Variants in ST3GAL3 observed in about 807,000 individuals in gnomAD.
ST3GAL3 encodes ST3 beta-galactoside alpha-2,3-sialyltransferase 3.
In ST3GAL3, 21 loss-of-function variants were observed where a neutral mutation model predicts 50.1. That is an observed-to-expected ratio of 0.42 (90% CI 0.30 to 0.60). The LOEUF is 0.60. ST3GAL3 is among the 20% of genes least tolerant of loss of function. ST3GAL3 has a pLI of 0.19. For missense variants in ST3GAL3, 353 were observed against 489.4 expected (o/e 0.72, Z 2.63); for synonymous variants, 183 against 190.0 (o/e 0.96, Z 0.30).
At chr1:43,869,982 A>G (rs1193087131) in intron 5 of ST3GAL3, among the ~76,000 whole-genome samples, 1 of 152,148 alleles carries the variant, frequency 6.6e-6, no homozygotes, top group Non-Finnish European at 1.5e-5. Flanking sequence ...ATGCTTCCCT[A>G]GAACTTGTTA....
intron 5 of ST3GAL3, among the ~76,000 whole-genome samples, chr1:43,870,265 A>T (rs906596179): frequency 6.6e-6 from 1 of 152,226 alleles, no homozygotes; most frequent in Non-Finnish European, 1.5e-5. Context: ...GGTGGTGATA[A>T]TTATTTCATA....
At position 43,719,849 on chromosome 1, in the gene ST3GAL3, C is replaced by T. The variant is rs149480842; in HGVS notation, c.-31+12156C>T. ...TCTGGAGGGTGAGGCAGGAGAATCA[C>T]TTGAAACTGAGAGGCGGAGGTTTCA... On this transcript the variant is annotated intron_variant, in intron 1 of 11. Transcript: ENST00000347631. Among the ~76,000 whole-genome samples, 115 of 136,962 alleles carry T rather than the reference C, an allele frequency of 8.4e-4. 1 individual carries two copies. The East Asian group carries it at 0.026, about 32-fold the overall frequency. The allele number at this position is 136,962 out of a possible 152,430, so 89.9% of individuals were successfully genotyped here.
At chr1:43,912,693 A>C (rs2081136851) in intron 9 of ST3GAL3, 1 of 152,176 alleles carries the variant, frequency 6.6e-6, no homozygotes, top group Non-Finnish European at 1.5e-5. Context: ...CAGACCTGTG[A>C]GCACACCAGG....
At chr1:43,825,626 G>C (rs1195316786) in intron 4 of ST3GAL3, among the ~76,000 whole-genome samples, 5 of 152,208 alleles carry the variant, frequency 3.3e-5, no homozygotes, top group Admixed American at 3.3e-4. Flanking sequence ...AAATTATGTG[G>C]GGTTTTAGAG....
Position 43,723,108 on chromosome 1 carries a change from C to T in ST3GAL3, c.-30-13125C>T, listed in dbSNP as rs1409427670. On this transcript the variant is annotated intron_variant, in intron 1 of 11. Transcript: ENST00000347631. ...GTAGCAACCCTCCCCTCTCTCTCTT[C>T]CCTCCTTTTTTTTTTTTTGAGATGG... 2.6e-5 allele frequency among the ~76,000 whole-genome samples: 4 copies of T among 151,550 alleles called. No individual in the cohort carries two copies. In the East Asian group the frequency reaches 7.8e-4, roughly 29 times the overall value.
chr1:43,911,830 A>C (rs1053879719), intron 9 of ST3GAL3: 1 of 151,840 alleles, frequency 6.6e-6, no homozygotes, highest in Non-Finnish European at 1.5e-5. Flanking sequence ...TGGGGGCTAC[A>C]GGTGCACCCC....
chr1:43,823,991 A>G (rs915139064), intron 4 of ST3GAL3, among the ~76,000 whole-genome samples: 1 of 152,144 alleles, frequency 6.6e-6, no homozygotes, highest in Non-Finnish European at 1.5e-5. Flanking sequence ...GTTTTATCCT[A>G]TGTTTTAACT....
chr1:43,855,055 A>C (rs193018830), intron 5 of ST3GAL3, among the ~76,000 whole-genome samples: 1 of 151,326 alleles, frequency 6.6e-6, no homozygotes, highest in East Asian at 1.9e-4. Flanking sequence ...TATTCTGTAA[A>C]CTCATTCAAC....
chr1:43,808,954 G>A (rs2060222782), intron 3 of ST3GAL3, among the ~76,000 whole-genome samples: 1 of 152,194 alleles, frequency 6.6e-6, no homozygotes, highest in Non-Finnish European at 1.5e-5. Flanking sequence ...ATTAGTAATA[G>A]TGCAAAATTA....
intron 5 of ST3GAL3, among the ~76,000 whole-genome samples, chr1:43,867,373 A>G (rs1558646864): frequency 6.6e-6 from 1 of 152,216 alleles, no homozygotes; most frequent in Non-Finnish European, 1.5e-5. Flanking sequence ...TCTTTCTTAT[A>G]TTTGATTTCT....
At chr1:43,782,667 T>G (rs1232456644) in intron 2 of ST3GAL3, among the ~76,000 whole-genome samples, 1 of 152,210 alleles carries the variant, frequency 6.6e-6, no homozygotes, top group Non-Finnish European at 1.5e-5. Flanking sequence ...AACAGCAGCA[T>G]GTATTGAGGA....
In ST3GAL3 at chr1:43,886,842, ATTTGTTTG is replaced by A. The variant is rs146758567; in HGVS notation, c.303-7521_303-7514del. ...GTACATGGCCAGGACGCTTTGTCGA[ATTTGTTTG>A]TTTGTTTGTTTGTTTGTTTTCACAG... On this transcript the variant is annotated intron_variant, in intron 5 of 11. Transcript: ENST00000347631. Among the ~76,000 whole-genome samples, 40 of 152,224 alleles carry A rather than the reference ATTTGTTTG, an allele frequency of 2.6e-4. No individual in the cohort carries two copies. In the East Asian group the frequency reaches 2.9e-3, roughly 11 times the overall value.
At chr1:43,757,537 G>A (rs1688579091) in intron 2 of ST3GAL3, among the ~76,000 whole-genome samples, 1 of 152,106 alleles carries the variant, frequency 6.6e-6, no homozygotes, top group Non-Finnish European at 1.5e-5. Flanking sequence ...TCACAAAGGG[G>A]CCCAGGCAAT....
intron 9 of ST3GAL3, chr1:43,911,190 G>A (rs1045561488): frequency 7.9e-5 from 12 of 151,892 alleles, no homozygotes; most frequent in Admixed American, 1.3e-4. Context: ...TGCCCAGGCT[G>A]GAGTGTAGTG....
rs770769806 is a variant in ST3GAL3, at chr1:43,723,113, C to CT, written c.-30-13107dup. ...AACCCTCCCCTCTCTCTCTTCCCTC[C>CT]TTTTTTTTTTTTTGAGATGGAGTCT... On this transcript the variant is annotated intron_variant, in intron 1 of 11. Coordinates refer to ENST00000347631, the MANE Select transcript of ST3GAL3 (RefSeq NM_006279.5). 2.3e-3 allele frequency among the ~76,000 whole-genome samples: 323 copies of CT among 142,870 alleles called. 1 individual carries two copies. The highest frequency in any genetic ancestry group is 0.014 in the Middle Eastern group (4 of 278). 93.7% of individuals were successfully genotyped at this position (142,870 alleles called of 152,430 possible). A position where few individuals can be genotyped will look rare whatever the true frequency, so the allele number is the denominator to read the frequency against.
intron 9 of ST3GAL3, among the ~76,000 whole-genome samples, chr1:43,907,133 A>G (rs3791108): frequency 0.043 from 6,558 of 152,274 alleles, 176 homozygotes; most frequent in East Asian, 0.13. Context: ...CCACAACCCT[A>G]CAAGGCAGAT....
rs185810851 is a variant in ST3GAL3, at chr1:43,740,287, C to T, written c.118+3907C>T. On this transcript the variant is annotated intron_variant, in intron 2 of 11. Coordinates refer to ENST00000347631, the MANE Select transcript of ST3GAL3 (RefSeq NM_006279.5). ...CTGAGGCAGGAGAACCGCTTGAACTCGGGAGGCAGAGGTTGCAGTGAGCCT... is the reference window on the plus strand; with the variant it reads ...CTGAGGCAGGAGAACCGCTTGAACTTGGGAGGCAGAGGTTGCAGTGAGCCT... Among the ~76,000 whole-genome samples the T allele has an allele frequency of 4.3e-3, 639 of 148,692 alleles. 5 individuals carry two copies. Among genetic ancestry groups the T allele is most frequent in the Non-Finnish European group, 7.3e-3 (494 of 67,538 alleles).
chr1:43,868,496 G>A (rs2071860413), intron 5 of ST3GAL3, among the ~76,000 whole-genome samples: 1 of 152,116 alleles, frequency 6.6e-6, no homozygotes, highest in Non-Finnish European at 1.5e-5. Flanking sequence ...CTGAAAAATG[G>A]CAAAGTCATT....
Position 43,736,377 on chromosome 1 carries a change from T to C in ST3GAL3, c.115T>C (p.Ser39Pro). ...ACACTTACTCCAGTGGGAGGAGGAC[T>C]CCAGTAAGTATAGTCACTCTAGCTC... ...KLHLLQWEED[S>P]NSVVLSFDSA... is the part of the protein sequence containing the mutation. The change falls in exon 2 of 12, where the codon TCC becomes CCC. Residue 39 changes from serine (S) to proline (P), a missense_variant. Transcript: ENST00000347631. The C allele has an allele frequency of 5.0e-6, 8 of 1,614,200 alleles. No homozygotes were observed. The highest frequency in any genetic ancestry group is 6.8e-6 in the Non-Finnish European group (8 of 1,180,030).
Sources: allele counts gnomAD v4.1 joint callset (sites outside exome capture counted in the v4.1 genomes callset), GRCh38; gene constraint gnomAD v4.1.1; transcripts MANE v1.5; gene names NCBI Gene and HGNC (gene_info 2026-07-23, HGNC 2026-07-21).